The following TANGO6 variants were observed in gnomAD, a reference collection of about 807,000 sequenced individuals.
TANGO6 encodes transport and Golgi organization protein 6 homolog.
In TANGO6, 90 loss-of-function variants were observed where a neutral mutation model predicts 114.2. That is an observed-to-expected ratio of 0.79 (90% confidence interval 0.66 to 0.94). TANGO6 has a LOEUF of 0.94. Ranked by LOEUF, TANGO6 falls within the 40% of genes least tolerant of loss-of-function variation. The pLI is 0.00. For synonymous variants in TANGO6, 477 were observed against 509.8 expected (o/e 0.94, Z 0.87); for missense variants, 1,274 against 1,315.3 (o/e 0.97, Z 0.49).
At chr16:68,886,575 C>G (rs1962542064) in intron 7 of TANGO6, among the ~76,000 whole-genome samples, 1 of 152,046 alleles carries the variant, frequency 6.6e-6, no homozygotes, top group Non-Finnish European at 1.5e-5. Context: ...ATGGCATGAT[C>G]TCAGCTCACT....
chr16:68,958,405 C>T (rs1330106491), intron 14 of TANGO6, among the ~76,000 whole-genome samples: 1 of 147,130 alleles, frequency 6.8e-6, no homozygotes, highest in African/African-American at 2.5e-5. Context: ...AGGAGAATTG[C>T]TTGAACCTGG....
At chr16:68,942,315 T>TC (rs201774408) in intron 14 of TANGO6, among the ~76,000 whole-genome samples, 1,681 of 149,560 alleles carry the variant, frequency 0.011, 22 homozygotes, top group Non-Finnish European at 0.013. Flanking sequence ...AGAGCAAAAC[T>TC]CCATCTCAAA....
intron 17 of TANGO6, among the ~76,000 whole-genome samples, chr16:69,062,713 T>G (rs1960140289): frequency 7.0e-6 from 1 of 142,204 alleles, no homozygotes; most frequent in Non-Finnish European, 1.5e-5. Context: ...CCTCGCGTGA[T>G]CCACCCACCT....
chr16:68,885,375 C>T (rs1340481920), intron 7 of TANGO6, among the ~76,000 whole-genome samples: 1 of 152,114 alleles, frequency 6.6e-6, no homozygotes, highest in African/African-American at 2.4e-5. Context: ...GGTTTTGCAA[C>T]CATTGTCAGT....
intron 14 of TANGO6, among the ~76,000 whole-genome samples, chr16:68,932,176 C>T (rs530554753): frequency 5.3e-5 from 8 of 152,184 alleles, no homozygotes; most frequent in South Asian, 4.1e-4. Context: ...CTGCAACCTC[C>T]GCCTCCCGGG....
At chr16:68,899,106 C>G (rs1962749612) in intron 7 of TANGO6, among the ~76,000 whole-genome samples, 1 of 152,014 alleles carries the variant, frequency 6.6e-6, no homozygotes, top group South Asian at 2.1e-4. Context: ...AACCCCATCT[C>G]TACTGAAAAT....
chr16:68,941,031 G>A (rs1006942099), intron 14 of TANGO6, among the ~76,000 whole-genome samples: 15 of 152,154 alleles, frequency 9.9e-5, no homozygotes, highest in Admixed American at 3.9e-4. Context: ...AACCCTTGAA[G>A]TCAGGCATTT....
chr16:68,860,624 C>T, intron 2 of TANGO6, 100 bp downstream of exon 2: 1 of 1,412,880 alleles, frequency 7.1e-7, no homozygotes, highest in Non-Finnish European at 9.5e-7. Context: ...CTTAGTTCTT[C>T]AGAACTGGAT....
At chr16:68,876,550 G>C (rs1962363832) in intron 5 of TANGO6, among the ~76,000 whole-genome samples, 1 of 152,002 alleles carries the variant, frequency 6.6e-6, no homozygotes, top group South Asian at 2.1e-4. Context: ...GCCAGGCACA[G>C]TGGCTCACTC....
intron 3 of TANGO6, among the ~76,000 whole-genome samples, chr16:68,866,275 T>C (rs559662783): frequency 6.6e-6 from 1 of 152,040 alleles, no homozygotes; most frequent in Non-Finnish European, 1.5e-5. Context: ...AAAATGTTGC[T>C]CTTTTGAAGT....
intron 14 of TANGO6, among the ~76,000 whole-genome samples, chr16:68,942,067 CA>C (rs1399442820): frequency 6.6e-6 from 1 of 151,974 alleles, no homozygotes; most frequent in Non-Finnish European, 1.5e-5. Context: ...CGGTGGCTCA[CA>C]CCTGTAATCC....
chr16:68,861,626 C>T (rs1962093760), intron 2 of TANGO6, among the ~76,000 whole-genome samples: 1 of 152,166 alleles, frequency 6.6e-6, no homozygotes, highest in African/African-American at 2.4e-5. Context: ...CCAGGGATCT[C>T]AGGCAGGAGA....
intron 16 of TANGO6, among the ~76,000 whole-genome samples, chr16:69,027,359 A>G (rs1056134929): frequency 1.3e-5 from 2 of 152,170 alleles, no homozygotes; most frequent in African/African-American, 2.4e-5. Flanking sequence ...TTACATATAT[A>G]TCAGTTATTT....
chr16:69,022,702 T>TC (rs1959428212), intron 15 of TANGO6, 126 bp from the exon 16 acceptor site: 1 of 909,846 alleles, frequency 1.1e-6, no homozygotes, highest in Non-Finnish European at 1.6e-6. Context: ...AGACCCTGTC[T>TC]CAAAAAAAAA....
At chr16:69,012,254 C>A (rs1323936959) in intron 15 of TANGO6, among the ~76,000 whole-genome samples, 2 of 152,084 alleles carry the variant, frequency 1.3e-5, no homozygotes, top group South Asian at 2.1e-4. Flanking sequence ...TTCTCTGAAG[C>A]TTTTTAGAAA....
chr16:68,922,561 TA>T (rs201707264), intron 12 of TANGO6, among the ~76,000 whole-genome samples: 12,693 of 144,698 alleles, frequency 0.088, 587 homozygotes, highest in African/African-American at 0.14. Context: ...AATTTATAAT[TA>T]AAAAAAAAAA....
At chr16:68,996,353 CTG>C (rs1439143628) in intron 15 of TANGO6, among the ~76,000 whole-genome samples, 1 of 152,148 alleles carries the variant, frequency 6.6e-6, no homozygotes, top group African/African-American at 2.4e-5. Context: ...AAATTGTAAA[CTG>C]TGTCGACTCT....
intron 9 of TANGO6, among the ~76,000 whole-genome samples, chr16:68,904,785 A>T (rs1449490807): frequency 6.6e-6 from 1 of 152,188 alleles, no homozygotes; most frequent in Non-Finnish European, 1.5e-5. Context: ...ATTTGTTTAT[A>T]TGATAATATG....
At chr16:69,068,945 G>A (rs1170634532) in intron 17 of TANGO6, among the ~76,000 whole-genome samples, 6 of 152,132 alleles carry the variant, frequency 3.9e-5, no homozygotes, top group Admixed American at 1.3e-4. Context: ...TCGAACTCCT[G>A]ACCTCAGGTG....
Sources: allele counts gnomAD v4.1 joint callset (sites outside exome capture counted in the v4.1 genomes callset), GRCh38; gene constraint gnomAD v4.1.1; transcripts MANE v1.5; gene names NCBI Gene and HGNC (gene_info 2026-07-23, HGNC 2026-07-21).